Variants in DLGAP2 observed in about 807,000 individuals in gnomAD.
DLGAP2 encodes the protein disks large-associated protein 2.
DLGAP2 carries 26 observed loss-of-function variants against 100.3 expected under a neutral mutation model. That is an observed-to-expected ratio of 0.26 (90% CI 0.19 to 0.36). The LOEUF (loss-of-function observed/expected upper bound fraction) is 0.36, where lower values mean the gene tolerates loss of function less well. Among genes scored for constraint, DLGAP2 ranks in the 10% least tolerant of loss-of-function variants. The pLI is 1.00. For missense variants in DLGAP2, 1,858 were observed against 1,453.2 expected, an observed-to-expected ratio of 1.28 and a Z score of -4.53; for synonymous variants, 886 against 630.1, an observed-to-expected ratio of 1.41 and a Z score of -6.08.
chr8:778,109 C>T lies in DLGAP2; in HGVS notation c.18+40284C>T, dbSNP rs540359257. ...ATTTCTTTCATTTCATCTTCCACCG[C>T]TGATACCCTTTCTTCCAGTTGATCG... On this transcript the variant is annotated intron_variant, in intron 1 of 14. Coordinates refer to ENST00000637795, the MANE Select transcript of DLGAP2 (RefSeq NM_001346810.2). Among the ~76,000 whole-genome samples the T allele has an allele frequency of 2.0e-3, 304 of 152,266 alleles. 1 individual carries two copies. Among genetic ancestry groups the T allele is most frequent in the Admixed American group, 4.6e-3 (70 of 15,294 alleles).
At chr8:1,012,914 G>C (rs913001515) in intron 2 of DLGAP2, among the ~76,000 whole-genome samples, 7 of 152,070 alleles carry the variant, frequency 4.6e-5, no homozygotes, top group African/African-American at 1.4e-4. Context: ...CCTGGCGATT[G>C]CATCTGTGTG....
rs4876090 is a variant in DLGAP2 at position 1,553,441 on chromosome 8, T to C, written c.1230+3758T>C. ...TTGGCGTGTTCACGGGCAGCAGCCC[T>C]GTTTTATTCGGCGTGTTCACGGTCA... On this transcript the variant is annotated intron_variant, in intron 5 of 14. Transcript: ENST00000637795. Among the ~76,000 whole-genome samples the C allele has an allele frequency of 0.017, 106 of 6,244 alleles. No individual in the cohort carries two copies. In the East Asian group the frequency reaches 0.24, roughly 14 times the overall value. The allele number at this position is 6,244 out of a possible 152,430, so 4.1% of individuals were successfully genotyped here.
chr8:1,315,273 C>T (rs202062528), intron 3 of DLGAP2, among the ~76,000 whole-genome samples: 4 of 151,290 alleles, frequency 2.6e-5, no homozygotes, highest in South Asian at 4.3e-4. Flanking sequence ...AACTCGGCAG[C>T]GTTTAAAAAT....
chr8:1,177,653 A>G (rs1197653516), intron 2 of DLGAP2, among the ~76,000 whole-genome samples: 1 of 152,158 alleles, frequency 6.6e-6, no homozygotes. Flanking sequence ...AATACCCCAC[A>G]CTAGGTCATT....
At chr8:1,317,492 C>T (rs1415657882) in intron 3 of DLGAP2, among the ~76,000 whole-genome samples, 1 of 141,932 alleles carries the variant, frequency 7.0e-6, no homozygotes. Flanking sequence ...CAGTGGTCTA[C>T]ACTCGAGACA....
intron 1 of DLGAP2, among the ~76,000 whole-genome samples, chr8:905,679 G>C (rs1013156762): frequency 6.6e-6 from 1 of 152,138 alleles, no homozygotes; most frequent in African/African-American, 2.4e-5. Flanking sequence ...TGTATCGTCA[G>C]AATCCAGGGT....
At chr8:1,275,026 G>GCAGA (rs200028216) in intron 3 of DLGAP2, among the ~76,000 whole-genome samples, 23 of 152,010 alleles carry the variant, frequency 1.5e-4, no homozygotes, top group Non-Finnish European at 2.6e-4. Flanking sequence ...TTGCTCTACC[G>GCAGA]CAGACAGACA....
At chr8:1,522,215 A>G (rs1800628738) in intron 4 of DLGAP2, among the ~76,000 whole-genome samples, 1 of 151,948 alleles carries the variant, frequency 6.6e-6, no homozygotes, top group Non-Finnish European at 1.5e-5. Flanking sequence ...CCTTTCGCCC[A>G]TTTTTCCCAG....
intron 3 of DLGAP2, among the ~76,000 whole-genome samples, chr8:1,277,544 C>T (rs935190974): frequency 6.6e-6 from 1 of 152,194 alleles, no homozygotes; most frequent in African/African-American, 2.4e-5. Flanking sequence ...GATTCTTGAG[C>T]TGTCTTGGTA....
At chr8:943,127 G>A (rs191677304) in intron 2 of DLGAP2, among the ~76,000 whole-genome samples, 10 of 152,302 alleles carry the variant, frequency 6.6e-5, no homozygotes, top group East Asian at 1.9e-4. Context: ...GAGGGTGTGC[G>A]CACAGTGAGG....
chr8:1,418,233 T>C (rs565962308), intron 3 of DLGAP2, among the ~76,000 whole-genome samples: 2 of 152,232 alleles, frequency 1.3e-5, no homozygotes, highest in Non-Finnish European at 2.9e-5. Flanking sequence ...CTACTGAACA[T>C]TTAAGAAATG....
At chr8:1,686,684 A>AT (rs1313270004) in intron 12 of DLGAP2, among the ~76,000 whole-genome samples, 2 of 151,548 alleles carry the variant, frequency 1.3e-5, no homozygotes, top group Admixed American at 6.6e-5. Flanking sequence ...AAAAAAAAAA[A>AT]GCAGAGCTCA....
chr8:843,060 G>A (rs896111391), intron 1 of DLGAP2, among the ~76,000 whole-genome samples: 1 of 152,210 alleles, frequency 6.6e-6, no homozygotes, highest in Non-Finnish European at 1.5e-5. Flanking sequence ...GCAGGCAGGG[G>A]TGTTATTCGG....
intron 3 of DLGAP2, chr8:1,297,035 C>T (rs1000784717): frequency 1.3e-5 from 2 of 152,326 alleles, no homozygotes; most frequent in Non-Finnish European, 2.9e-5. Flanking sequence ...GGAAATACCT[C>T]AGATTGTGCC....
intron 2 of DLGAP2, among the ~76,000 whole-genome samples, chr8:998,655 C>G (rs913971402): frequency 6.6e-6 from 1 of 152,026 alleles, no homozygotes; most frequent in African/African-American, 2.4e-5. Flanking sequence ...TTGAGTTGTT[C>G]TTTTCTGCAT....
chr8:1,549,234 G>T lies in DLGAP2; in HGVS notation c.781G>T (p.Gly261Cys). ...CAACGCCAACGGCACCAAGGCGGAC[G>T]GCCGGGCGGACGACCACCACCACGC... ...KSNANGTKAD[G>C]RADDHHHAHH... Residue 261 changes from glycine to cysteine, a missense_variant, in exon 5 of 15, where the codon GGC becomes TGC. By Grantham distance (159) the Gly-to-Cys change is radical (BLOSUM62 -3). Transcript: ENST00000637795. 6.2e-7 allele frequency: 1 copy of T among 1,606,448 alleles called. No homozygotes were observed. Among genetic ancestry groups the T allele is most frequent in the East Asian group, 2.2e-5 (1 of 44,508 alleles).
chr8:1,233,204 A>G (rs117696976), intron 2 of DLGAP2, among the ~76,000 whole-genome samples: 4 of 152,138 alleles, frequency 2.6e-5, no homozygotes, highest in Admixed American at 2.6e-4. Flanking sequence ...CTCATTGGAC[A>G]TTTGAGTTGT....
At chr8:1,076,983 G>A (rs1490001763) in intron 2 of DLGAP2, among the ~76,000 whole-genome samples, 1 of 141,006 alleles carries the variant, frequency 7.1e-6, no homozygotes, top group Non-Finnish European at 1.5e-5. Flanking sequence ...AGTCTGTCCC[G>A]GGCCCCCCCA....
chr8:864,942 C>T (rs1797466589), intron 1 of DLGAP2, among the ~76,000 whole-genome samples: 1 of 152,138 alleles, frequency 6.6e-6, no homozygotes, highest in Non-Finnish European at 1.5e-5. Context: ...TAAATGTATT[C>T]TTAGATATAG....
Sources: gnomAD v4.1 joint callset for allele counts (sites outside exome capture counted in the v4.1 genomes callset) on GRCh38, gnomAD v4.1.1 for gene constraint, MANE v1.5 for transcripts, NCBI Gene and HGNC (gene_info 2026-07-23, HGNC 2026-07-21) for gene names.